The following HIF1A variants were observed in gnomAD, a reference collection of about 807,000 sequenced individuals.
HIF1A encodes the protein hypoxia inducible factor 1 subunit alpha, also known as hypoxia-inducible factor 1-alpha.
A neutral mutation model predicts 92.7 loss-of-function variants in HIF1A; 24 were observed. That is an observed-to-expected ratio of 0.26 (90% confidence interval 0.19 to 0.36). The LOEUF (loss-of-function observed/expected upper bound fraction) is 0.36, where lower values mean the gene tolerates loss of function less well. Among genes scored for constraint, HIF1A ranks in the 10% least tolerant of loss-of-function variants. The probability of loss-of-function intolerance (pLI) is 1.00; values close to 1 mark genes in which losing one functional copy is unlikely to be tolerated. For synonymous variants in HIF1A, 319 were observed against 338.7 expected (o/e 0.94, Z 0.64); for missense variants, 799 against 998.5 (o/e 0.80, Z 2.69).
intron 9 of HIF1A, 63 bp from the exon 10 acceptor site, chr14:61,738,024 C>G: frequency 7.4e-7 from 1 of 1,360,046 alleles, no homozygotes; most frequent in Non-Finnish European, 1.0e-6. Context: ...AAGACTCTGT[C>G]TTGGGTAAAA....
In HIF1A at chr14:61,734,221, A is replaced by T; in HGVS notation, c.964A>T (p.Thr322Ser). The T allele has an allele frequency of 6.2e-7, 1 of 1,612,702 alleles. No individual in the cohort carries two copies. The highest frequency in any genetic ancestry group is 8.5e-7 in the Non-Finnish European group (1 of 1,178,736). The change falls in exon 8 of 15, where the codon ACT becomes TCT. Residue 322 changes from threonine to serine, a missense_variant. Around this residue, in one of 2 missense-constraint regions of HIF1A, gnomAD observed 516 missense variants for 721.0 expected, o/e 0.72. Transcript: ENST00000337138. Reference sequence around the variant, plus strand: ...ATATGTCTGGGTTGAAACTCAAGCAACTGTCATATATAACACCAAGAATTC... The same window carrying T: ...ATATGTCTGGGTTGAAACTCAAGCATCTGTCATATATAACACCAAGAATTC... ...GGYVWVETQA[T>S]VIYNTKNSQP... is the part of the protein sequence containing the mutation.
intron 1 of HIF1A, among the ~76,000 whole-genome samples, chr14:61,701,723 C>T (rs1405225432): frequency 6.6e-6 from 1 of 152,152 alleles, no homozygotes; most frequent in Non-Finnish European, 1.5e-5. Flanking sequence ...CGCGGTGGCT[C>T]ATGCTTGTAA....
At position 61,727,480 on chromosome 14, in the gene HIF1A, G is replaced by A. The variant is rs377058629; in HGVS notation, c.598G>A (p.Val200Ile). ...KVLHCTGHIH[V>I]YDTNSNQPQC... ...ATTGCACTGCACAGGCCACATTCAC[G>A]TATATGATACCAACAGTAACCAACC... Residue 200 changes from valine to isoleucine, a missense_variant, in exon 6 of 15, where the codon GTA (valine) becomes ATA (isoleucine). Val to Ile is a conservative substitution (Grantham distance 29, BLOSUM62 3). Transcript: ENST00000337138. The A allele has an allele frequency of 3.1e-6, 5 of 1,613,426 alleles. No homozygotes were observed. Among genetic ancestry groups the A allele is most frequent in the Admixed American group, 1.7e-5 (1 of 59,972 alleles).
At chr14:61,732,602 A>G (rs1193415037) in intron 7 of HIF1A, 78 bp downstream of exon 7, 10 of 836,380 alleles carry the variant, frequency 1.2e-5, no homozygotes, top group Non-Finnish European at 2.0e-5. Flanking sequence ...CTACCCATCT[A>G]ATTCTCTGGT....
At chr14:61,738,047 C>T in intron 9 of HIF1A, 40 bp from the exon 10 acceptor site, 2 of 1,467,992 alleles carry the variant, frequency 1.4e-6, no homozygotes, top group South Asian at 1.4e-5. Flanking sequence ...AAAAAAAAAT[C>T]CTTCTATACT....
chr14:61,708,121 G>A (rs752667425), intron 1 of HIF1A, among the ~76,000 whole-genome samples: 12 of 152,330 alleles, frequency 7.9e-5, no homozygotes, highest in African/African-American at 9.6e-5. Context: ...AGAAGTGTCT[G>A]TTCATATCGT....
At chr14:61,697,344 T>C (rs1020426503) in intron 1 of HIF1A, among the ~76,000 whole-genome samples, 1 of 152,212 alleles carries the variant, frequency 6.6e-6, no homozygotes, top group African/African-American at 2.4e-5. Flanking sequence ...TTTGATGAAA[T>C]GATAAAGCTG....
chr14:61,737,139 A>C, intron 9 of HIF1A, 30 bp downstream of exon 9: 1 of 1,487,634 alleles, frequency 6.7e-7, no homozygotes, highest in Non-Finnish European at 9.4e-7. Context: ...AATCCCCTAA[A>C]TTGTGTCTGT....
chr14:61,699,857 A>G (rs1299088633), intron 1 of HIF1A, among the ~76,000 whole-genome samples: 3 of 152,184 alleles, frequency 2.0e-5, no homozygotes, highest in Non-Finnish European at 4.4e-5. Flanking sequence ...TTTGGTAAAA[A>G]TATGGTCAGA....
At chr14:61,697,009 C>G (rs1455426469) in intron 1 of HIF1A, among the ~76,000 whole-genome samples, 2 of 152,174 alleles carry the variant, frequency 1.3e-5, no homozygotes, top group African/African-American at 2.4e-5. Context: ...GGCATTTTAA[C>G]TTTTAAGGAA....
intron 1 of HIF1A, among the ~76,000 whole-genome samples, chr14:61,708,191 T>C (rs898555027): frequency 1.3e-5 from 2 of 152,236 alleles, no homozygotes; most frequent in African/African-American, 4.8e-5. Flanking sequence ...TCATTGTAGA[T>C]TCTGGATACT....
intron 12 of HIF1A, among the ~76,000 whole-genome samples, chr14:61,742,319 A>G (rs561688882): frequency 6.6e-6 from 1 of 152,354 alleles, no homozygotes; most frequent in East Asian, 1.9e-4. Flanking sequence ...ATCAATAGCA[A>G]TAGGAAAGAA....
At chr14:61,709,095 C>T (rs905173572) in intron 1 of HIF1A, among the ~76,000 whole-genome samples, 22 of 152,036 alleles carry the variant, frequency 1.4e-4, no homozygotes, top group Non-Finnish European at 2.1e-4. Context: ...CGGGGTTTCT[C>T]CATGTTGGTC....
At chr14:61,729,044 C>T (rs2044541914) in intron 6 of HIF1A, among the ~76,000 whole-genome samples, 1 of 152,336 alleles carries the variant, frequency 6.6e-6, no homozygotes, top group Middle Eastern at 3.4e-3. Flanking sequence ...TATTTATGCT[C>T]TGGCCCTAAC....
Position 61,744,653 on chromosome 14 carries a change from G to C in HIF1A, c.2094-52G>C, listed in dbSNP as rs188077394. On this transcript the variant is annotated intron_variant, in intron 12 of 14. Transcript: ENST00000337138. ...GTATTTTCTTTAAAAGCGCTCACTG[G>C]ATATTTTTTTTAAAAACGCTATATT... 649 of 725,126 alleles carry C rather than the reference G, an allele frequency of 9.0e-4. 4 individuals carry two copies. In the African/African-American group the frequency reaches 0.011, roughly 12 times the overall value. The allele number at this position is 725,126 out of a possible 1,614,324, so 44.9% of individuals were successfully genotyped here.
At chr14:61,701,713 C>T (rs954883929) in intron 1 of HIF1A, among the ~76,000 whole-genome samples, 4 of 152,058 alleles carry the variant, frequency 2.6e-5, no homozygotes, top group South Asian at 4.1e-4. Context: ...GTGGGCTGGG[C>T]GCGGTGGCTC....
At chr14:61,708,245 C>G (rs547064854) in intron 1 of HIF1A, among the ~76,000 whole-genome samples, 2 of 152,206 alleles carry the variant, frequency 1.3e-5, no homozygotes, top group Admixed American at 1.3e-4. Context: ...TTCTCCCATT[C>G]TGTAGGTTGC....
intron 12 of HIF1A, among the ~76,000 whole-genome samples, chr14:61,743,549 T>C (rs989594518): frequency 3.9e-5 from 6 of 152,146 alleles, no homozygotes; most frequent in Admixed American, 3.3e-4. Context: ...TGTATAAGAA[T>C]TTTTAAACTT....
intron 10 of HIF1A, among the ~76,000 whole-genome samples, chr14:61,739,579 C>T (rs2044681045): frequency 6.6e-6 from 1 of 151,620 alleles, no homozygotes; most frequent in Non-Finnish European, 1.5e-5. Context: ...GCTTAATTTA[C>T]CCAGAAAAAA....
Sources: allele counts gnomAD v4.1 joint callset (sites outside exome capture counted in the v4.1 genomes callset), GRCh38; gene constraint gnomAD v4.1.1; regional missense constraint gnomAD v4.1.1; transcripts MANE v1.5; gene names NCBI Gene and HGNC (gene_info 2026-07-23, HGNC 2026-07-21).